The following GALNT13 variants were observed in gnomAD, a reference collection of about 807,000 sequenced individuals.
GALNT13 encodes polypeptide N-acetylgalactosaminyltransferase 13, also known as UDP-GalNAc:polypeptide N-acetylgalactosaminyltransferase 13.
A neutral mutation model predicts 64.2 loss-of-function variants in GALNT13; 28 were observed. That is an observed-to-expected ratio of 0.44 (90% CI 0.32 to 0.60). GALNT13 has a LOEUF of 0.60. GALNT13 is among the 20% of genes least tolerant of loss of function. GALNT13 has a pLI of 0.05. For synonymous variants in GALNT13, 214 were observed against 224.6 expected (o/e 0.95, Z 0.42); for missense variants, 577 against 669.8 (o/e 0.86, Z 1.53).
chr2:153,360,863 AG>A, the GALNT13 span, among the ~76,000 whole-genome samples: 1 of 152,176 alleles, frequency 6.6e-6, no homozygotes, highest in Non-Finnish European at 1.5e-5. Flanking sequence ...TCCTCCACCA[AG>A]GGACAGCCAA....
chr2:153,134,333 G>A, the GALNT13 span, among the ~76,000 whole-genome samples: 1 of 151,986 alleles, frequency 6.6e-6, no homozygotes, highest in Non-Finnish European at 1.5e-5. Context: ...CTCTACTTTT[G>A]TGTGTAAGTG....
At chr2:153,611,821 G>A in the GALNT13 span, among the ~76,000 whole-genome samples, 3 of 150,300 alleles carry the variant, frequency 2.0e-5, no homozygotes, top group African/African-American at 4.9e-5. Flanking sequence ...AGCCCTGCAC[G>A]TATTAGGTAT....
At chr2:153,246,181 C>T in the GALNT13 span, among the ~76,000 whole-genome samples, 3 of 151,984 alleles carry the variant, frequency 2.0e-5, no homozygotes, top group Non-Finnish European at 4.4e-5. Flanking sequence ...GATTGGTATG[C>T]CTGAAAATGA....
At chr2:154,387,723 G>C (rs1228534711) in intron 9 of GALNT13, among the ~76,000 whole-genome samples, 1 of 152,024 alleles carries the variant, frequency 6.6e-6, no homozygotes, top group Non-Finnish European at 1.5e-5. Flanking sequence ...ATGTCCTTCA[G>C]CTTCATTCAT....
intron 1 of GALNT13, among the ~76,000 whole-genome samples, chr2:153,885,318 T>A (rs907124171): frequency 2.6e-5 from 4 of 152,078 alleles, no homozygotes; most frequent in Non-Finnish European, 5.9e-5. Context: ...AGTTTGATTC[T>A]TTACTTTGTG....
intron 3 of GALNT13, among the ~76,000 whole-genome samples, chr2:153,995,939 T>C (rs1281422716): frequency 6.6e-6 from 1 of 152,208 alleles, no homozygotes; most frequent in African/African-American, 2.4e-5. Flanking sequence ...TGCCTTTCCG[T>C]ACCTGGCTTA....
At chr2:153,848,449 T>G in the GALNT13 span, among the ~76,000 whole-genome samples, 1 of 152,034 alleles carries the variant, frequency 6.6e-6, no homozygotes, top group Admixed American at 6.6e-5. Context: ...TAACAGTAAA[T>G]TAAATGCAAA....
the GALNT13 span, among the ~76,000 whole-genome samples, chr2:153,305,032 G>C: frequency 6.6e-6 from 1 of 152,008 alleles, no homozygotes; most frequent in Admixed American, 6.6e-5. Flanking sequence ...ATATAATTTT[G>C]GGGGGTAATT....
rs183421841 is a variant in GALNT13 at position 154,167,058 on chromosome 2, A to G, written c.311+26553A>G. On this transcript the variant is annotated intron_variant, in intron 4 of 12. Coordinates refer to ENST00000392825, the MANE Select transcript of GALNT13 (RefSeq NM_052917.4). ...GAGTTAATGGGTGCAGCACACCAAC[A>G]TGGCACATGTATACATATGTAACAA... 2.4e-3 allele frequency among the ~76,000 whole-genome samples: 370 copies of G among 152,260 alleles called. 9 individuals carry two copies. In the East Asian group the frequency reaches 0.056, roughly 23 times the overall value.
At chr2:154,272,059 TAAAGTATACA>T (rs1691383216) in intron 8 of GALNT13, among the ~76,000 whole-genome samples, 2 of 152,008 alleles carry the variant, frequency 1.3e-5, no homozygotes, top group Middle Eastern at 3.4e-3. Context: ...TAGTAATGTA[TAAAGTATACA>T]TTTTCATTTC....
At chr2:154,213,614 GAA>G (rs550431968) in intron 4 of GALNT13, among the ~76,000 whole-genome samples, 1 of 137,638 alleles carries the variant, frequency 7.3e-6, no homozygotes. Context: ...CTTAGAGAGT[GAA>G]AAAAAAAAAA....
chr2:154,194,848 T>A (rs909688094), intron 4 of GALNT13, among the ~76,000 whole-genome samples: 1 of 146,464 alleles, frequency 6.8e-6, no homozygotes, highest in African/African-American at 2.5e-5. Flanking sequence ...CAGCCTGGAC[T>A]CTAGAGCTGT....
At chr2:154,204,790 T>C (rs1333529044) in intron 4 of GALNT13, among the ~76,000 whole-genome samples, 1 of 152,214 alleles carries the variant, frequency 6.6e-6, no homozygotes, top group East Asian at 1.9e-4. Context: ...TATCATGTTA[T>C]GTTGTGATCC....
At chr2:153,340,641 C>T in the GALNT13 span, among the ~76,000 whole-genome samples, 114 of 144,906 alleles carry the variant, frequency 7.9e-4, no homozygotes, top group Middle Eastern at 4.4e-3. Flanking sequence ...GGCAACAGAG[C>T]AAGACTCCAT....
chr2:153,424,482 A>G, the GALNT13 span, among the ~76,000 whole-genome samples: 1 of 151,854 alleles, frequency 6.6e-6, no homozygotes, highest in African/African-American at 2.4e-5. Flanking sequence ...AGCAAAAGAT[A>G]ATTGATAGAA....
the GALNT13 span, among the ~76,000 whole-genome samples, chr2:153,634,512 A>G: frequency 6.7e-6 from 1 of 148,902 alleles, no homozygotes; most frequent in Admixed American, 6.7e-5. Context: ...TTATGATACT[A>G]ACTTTTGATG....
the GALNT13 span, among the ~76,000 whole-genome samples, chr2:153,802,327 T>G: frequency 8.5e-5 from 13 of 152,214 alleles, no homozygotes; most frequent in African/African-American, 2.4e-4. Context: ...TCTAATAAGC[T>G]TTCTCTTTAT....
the GALNT13 span, among the ~76,000 whole-genome samples, chr2:153,741,803 A>G: frequency 6.6e-6 from 1 of 152,122 alleles, no homozygotes; most frequent in Non-Finnish European, 1.5e-5. Flanking sequence ...TTTGGTGAGT[A>G]TTCAAACTTC....
chr2:153,070,120 A>T, the GALNT13 span, among the ~76,000 whole-genome samples: 1 of 152,304 alleles, frequency 6.6e-6, no homozygotes, highest in Non-Finnish European at 1.5e-5. Flanking sequence ...TTCTGCTCTT[A>T]CAAAAGAGCC....
Sources: allele counts gnomAD v4.1 joint callset (sites outside exome capture counted in the v4.1 genomes callset), GRCh38; gene constraint gnomAD v4.1.1; transcripts MANE v1.5; gene names NCBI Gene and HGNC (gene_info 2026-07-23, HGNC 2026-07-21).